LINGO2: variants seen among roughly 807,000 people sequenced by gnomAD.
The protein encoded by LINGO2 is leucine-rich repeat and immunoglobulin-like domain-containing nogo receptor-interacting protein 2.
In LINGO2, 14 loss-of-function variants were observed where a neutral mutation model predicts 30.6. That is an observed-to-expected ratio of 0.46 (90% CI 0.30 to 0.72). The LOEUF is 0.72. LINGO2 is among the 30% of genes least tolerant of loss of function. The pLI is 0.07. For missense variants in LINGO2, 729 were observed against 751.7 expected, an observed-to-expected ratio of 0.97 and a Z score of 0.35; for synonymous variants, 317 against 288.5, an observed-to-expected ratio of 1.10 and a Z score of -1.00.
the LINGO2 span, among the ~76,000 whole-genome samples, chr9:28,854,993 C>T: frequency 7.9e-5 from 12 of 152,046 alleles, no homozygotes; most frequent in South Asian, 2.5e-3. Context: ...AAGTAATATA[C>T]ATATACTATT....
chr9:28,773,805 A>T, the LINGO2 span, among the ~76,000 whole-genome samples: 1 of 152,188 alleles, frequency 6.6e-6, no homozygotes, highest in Non-Finnish European at 1.5e-5. Context: ...GAAGAATTAA[A>T]TAAAAACTCC....
intron 1 of LINGO2, among the ~76,000 whole-genome samples, chr9:28,623,789 A>G (rs1352406230): frequency 6.6e-6 from 1 of 152,062 alleles, no homozygotes; most frequent in African/African-American, 2.4e-5. Context: ...TTTGAGAAAT[A>G]TGGACATTTT....
chr9:28,213,012 A>T (rs1483121318), intron 4 of LINGO2, among the ~76,000 whole-genome samples: 1 of 151,548 alleles, frequency 6.6e-6, no homozygotes, highest in Non-Finnish European at 1.5e-5. Context: ...ATATACAGAG[A>T]ACTAAAATTT....
At chr9:28,560,585 C>A (rs1233315071) in intron 1 of LINGO2, among the ~76,000 whole-genome samples, 1 of 152,014 alleles carries the variant, frequency 6.6e-6, no homozygotes, top group Non-Finnish European at 1.5e-5. Context: ...TAAAGACTAG[C>A]AGGCATTATT....
intron 1 of LINGO2, among the ~76,000 whole-genome samples, chr9:28,568,130 A>G (rs1823484965): frequency 6.6e-6 from 1 of 152,132 alleles, no homozygotes; most frequent in African/African-American, 2.4e-5. Flanking sequence ...TCTGATAACC[A>G]CCCATGGATG....
chr9:28,358,522 C>T (rs12551713), intron 3 of LINGO2, among the ~76,000 whole-genome samples: 5,422 of 152,140 alleles, frequency 0.036, 120 homozygotes, highest in East Asian at 0.085. Context: ...GGATGACAGC[C>T]CTTTAGTCAG....
At chr9:28,325,518 C>T (rs544561335) in intron 3 of LINGO2, among the ~76,000 whole-genome samples, 4 of 152,076 alleles carry the variant, frequency 2.6e-5, no homozygotes, top group Admixed American at 2.0e-4. Flanking sequence ...GGGAGGGACC[C>T]GGTGGGAGAT....
intron 3 of LINGO2, among the ~76,000 whole-genome samples, chr9:28,304,190 C>G (rs1165561226): frequency 6.6e-6 from 1 of 150,622 alleles, no homozygotes; most frequent in East Asian, 1.9e-4. Flanking sequence ...AACAAAAAAT[C>G]CTTACTGATA....
chr9:28,692,576 A>G, the LINGO2 span, among the ~76,000 whole-genome samples: 7 of 152,290 alleles, frequency 4.6e-5, no homozygotes, highest in East Asian at 1.4e-3. Context: ...ATCCAAACCT[A>G]TATGTTGTCA....
In LINGO2 at chr9:27,978,859, C is replaced by G. The variant is rs150960576; in HGVS notation, c.-35-28153G>C. Among the ~76,000 whole-genome samples, 173 of 152,132 alleles carry G rather than the reference C, an allele frequency of 1.1e-3. 1 individual carries two copies. Among genetic ancestry groups the G allele is most frequent in the African/African-American group, 3.9e-3 (163 of 41,530 alleles). On this transcript the variant is annotated intron_variant, in intron 5 of 5. Coordinates refer to ENST00000379992, the Ensembl canonical transcript of LINGO2. ...TTGAAAAATGGAAAATACAGAAAAGCTATTGATTCTTTTGGACCATCGGAT... is the reference window on the plus strand; with the variant it reads ...TTGAAAAATGGAAAATACAGAAAAGGTATTGATTCTTTTGGACCATCGGAT...
chr9:28,854,766 G>A, the LINGO2 span, among the ~76,000 whole-genome samples: 4 of 151,862 alleles, frequency 2.6e-5, no homozygotes, highest in African/African-American at 9.7e-5. Flanking sequence ...TTCAGTTCTA[G>A]AACTTCAATA....
intron 4 of LINGO2, among the ~76,000 whole-genome samples, chr9:28,217,447 T>C (rs553264282): frequency 7.4e-4 from 113 of 152,170 alleles, no homozygotes; most frequent in African/African-American, 2.7e-3. Context: ...ATTTGATAAG[T>C]TTGTGCATGT....
At chr9:28,249,497 T>C (rs1355342498) in intron 4 of LINGO2, among the ~76,000 whole-genome samples, 2 of 152,120 alleles carry the variant, frequency 1.3e-5, no homozygotes, top group Non-Finnish European at 2.9e-5. Flanking sequence ...AAGAAAAGCA[T>C]TGTACAATCA....
chr9:28,740,608 TC>T, the LINGO2 span, among the ~76,000 whole-genome samples: 21 of 152,048 alleles, frequency 1.4e-4, 1 homozygote, highest in African/African-American at 5.1e-4. Flanking sequence ...CTCTCTTTTT[TC>T]TTCTTTTGTG....
At chr9:28,998,536 C>A in the LINGO2 span, among the ~76,000 whole-genome samples, 1 of 151,876 alleles carries the variant, frequency 6.6e-6, no homozygotes, top group Non-Finnish European at 1.5e-5. Context: ...GAAACAATTA[C>A]CCTACAAGAA....
the LINGO2 span, among the ~76,000 whole-genome samples, chr9:29,115,281 A>AT: frequency 1.3e-5 from 2 of 152,058 alleles, no homozygotes; most frequent in Non-Finnish European, 1.5e-5. Flanking sequence ...ATTTTTATGT[A>AT]TTTTTTTCTA....
At chr9:28,164,184 C>G (rs1828364455) in intron 4 of LINGO2, among the ~76,000 whole-genome samples, 1 of 152,074 alleles carries the variant, frequency 6.6e-6, no homozygotes, top group Admixed American at 6.6e-5. Context: ...TTCATCCTAA[C>G]TAGAGGTGAT....
intron 4 of LINGO2, among the ~76,000 whole-genome samples, chr9:28,165,607 A>T (rs184213541): frequency 5.9e-5 from 9 of 152,338 alleles, no homozygotes; most frequent in Admixed American, 3.9e-4. Flanking sequence ...TGAAATAAAA[A>T]ATTATTGAAC....
chr9:28,638,370 A>T (rs931631607), intron 1 of LINGO2, among the ~76,000 whole-genome samples: 28 of 152,050 alleles, frequency 1.8e-4, no homozygotes, highest in Non-Finnish European at 3.7e-4. Flanking sequence ...TTTTATATTG[A>T]TTGGAATAGT....
Sources: gnomAD v4.1 joint callset for allele counts (sites outside exome capture counted in the v4.1 genomes callset) on GRCh38, gnomAD v4.1.1 for gene constraint, MANE v1.5 for transcripts, NCBI Gene and HGNC (gene_info 2026-07-23, HGNC 2026-07-21) for gene names.